The following EFS variants were observed in gnomAD, a reference collection of about 807,000 sequenced individuals.
The protein encoded by EFS is embryonal Fyn-associated substrate.
Under a neutral mutation model 42.2 loss-of-function variants are expected in EFS, and 34 were observed. That is an observed-to-expected ratio of 0.81 (90% CI 0.61 to 1.07). EFS has a LOEUF of 1.07. EFS is among the 50% of genes least tolerant of loss of function. The pLI, the probability that EFS is intolerant of heterozygous loss-of-function variation, is 0.00. For missense variants in EFS, 717 were observed against 729.4 expected, an observed-to-expected ratio of 0.98 and a Z score of 0.20; for synonymous variants, 299 against 320.7, an observed-to-expected ratio of 0.93 and a Z score of 0.72.
At chr14:23,360,872 A>C in intron 1 of EFS, 39 bp from the exon 2 acceptor site, 1 of 1,573,114 alleles carries the variant, frequency 6.4e-7, no homozygotes, top group East Asian at 2.3e-5. Context: ...GGGTCTTCAG[A>C]CCCCTTTCAG....
chr14:23,360,085 C>T (rs1338974435), intron 3 of EFS, 46 bp from the exon 4 acceptor site: 1 of 1,614,134 alleles, frequency 6.2e-7, no homozygotes, highest in Admixed American at 1.7e-5. Context: ...GCGATGAACC[C>T]TCCCTTGGGG....
At position 23,359,475 on chromosome 14, in the gene EFS, G is replaced by C. The variant is rs147068550; in HGVS notation, c.1003C>G (p.Arg335Gly). 1.3e-6 allele frequency: 2 copies of C among 1,591,790 alleles called. No individual in the cohort carries two copies. Among genetic ancestry groups the C allele is most frequent in the East Asian group, 2.3e-5 (1 of 44,352 alleles). ...APGRKGSIQD[R>G]PLPPPPPRLP... Reference sequence around the variant, plus strand: ...CGGGGTGGGGGTGGGGGCAGAGGCCGGTCCTGGATGCTGCCCTTCCGGCCT... The same window carrying C: ...CGGGGTGGGGGTGGGGGCAGAGGCCCGTCCTGGATGCTGCCCTTCCGGCCT... Residue 335 changes from arginine to glycine, a missense_variant, in exon 4 of 6, where the codon CGG (arginine) becomes GGG (glycine). Coordinates refer to ENST00000216733, the MANE Select transcript of EFS (RefSeq NM_005864.4).
Position 23,358,635 on chromosome 14 carries a change from T to C in EFS, c.1251+241A>G, listed in dbSNP as rs151222086. Among the ~76,000 whole-genome samples, 570 of 152,306 alleles carry C rather than the reference T, an allele frequency of 3.7e-3. 1 individual carries two copies. The highest frequency in any genetic ancestry group is 6.5e-3 in the Non-Finnish European group (443 of 68,028). ...AGAAACTTTCTGCTCTCCTGGCTGCTTGATTTTCTGACTCCTCTCCAACAC... is the reference window on the plus strand; with the variant it reads ...AGAAACTTTCTGCTCTCCTGGCTGCCTGATTTTCTGACTCCTCTCCAACAC... On this transcript the variant is annotated intron_variant, in intron 5 of 5. Transcript: ENST00000216733.
At position 23,356,891 on chromosome 14, in the gene EFS, G is replaced by C. The variant is rs1361724304; in HGVS notation, c.*335C>G. 5.0e-6 allele frequency: 1 copy of C among 198,930 alleles called. No homozygotes were observed. The highest frequency in any genetic ancestry group is 1.0e-5 in the Non-Finnish European group (1 of 99,696). The allele number at this position is 198,930 out of a possible 1,614,324, so 12.3% of individuals were successfully genotyped here. ...GGTTTCTGCCACCTGACTTTTCACA[G>C]CCAGTCTTCCAGAGGTGGGTGGTAG... On this transcript the variant is annotated 3_prime_UTR_variant, in exon 6 of 6. Transcript: ENST00000216733.
At position 23,357,552 on chromosome 14, in the gene EFS, C is replaced by T. The variant is rs2231812; in HGVS notation, c.1360G>A (p.Val454Met). The T allele has an allele frequency of 1.6e-3, 2,627 of 1,612,194 alleles. 40 individuals carry two copies. In the African/African-American group the frequency reaches 0.031, roughly 19 times the overall value. The stretch of plus-strand genomic sequence containing the variant: ...TGGGTACTGGACATCAGGGCTGCCA[C>T]GGCTGCCTGCAGGGCTGAGTAGTGG... ...QSHYSALQAA[V>M]AALMSSTQAN... The change falls in exon 6 of 6, where the codon GTG becomes ATG. Residue 454 changes from valine (V) to methionine (M), a missense_variant. Coordinates refer to ENST00000216733, the MANE Select transcript of EFS (RefSeq NM_005864.4).
intron 1 of EFS, among the ~76,000 whole-genome samples, chr14:23,363,625 G>T (rs148490786): frequency 1.8e-3 from 281 of 152,184 alleles, no homozygotes; most frequent in African/African-American, 6.4e-3. Context: ...CCTGGCCATC[G>T]TTACAGATTG....
Position 23,360,134 on chromosome 14 carries a change from C to T in EFS, c.438+7G>A. The T allele has an allele frequency of 6.2e-7, 1 of 1,614,168 alleles. No homozygotes were observed. The highest frequency in any genetic ancestry group is 1.1e-5 in the South Asian group (1 of 91,084). On this transcript the variant is annotated splice_region_variant and intron_variant, in intron 3 of 5. Transcript: ENST00000216733. ...ACCCAACATACACAGGGACCTCTAG[C>T]CCTCACCTCCAAGGCATCTCTGGGA...
In EFS at chr14:23,359,517, C is replaced by G. The variant is rs1275246734; in HGVS notation, c.961G>C (p.Val321Leu). Residue 321 changes from valine to leucine, a missense_variant, in exon 4 of 6, where the codon GTG becomes CTG. Coordinates refer to ENST00000216733, the MANE Select transcript of EFS (RefSeq NM_005864.4). ...TTCCGGCCTGGGGCAGGAGAGGGCA[C>G]TGGGGAGGGGCTGGGGGCCTCAGGG... ...PVPEAPSPSP[V>L]PSPAPGRKGS... 2.0e-6 allele frequency: 3 copies of G among 1,488,024 alleles called. No individual in the cohort carries two copies. Among genetic ancestry groups the G allele is most frequent in the Admixed American group, 2.1e-5 (1 of 47,082 alleles). 92.2% of individuals were successfully genotyped at this position (1,488,024 alleles called of 1,614,324 possible).
intron 1 of EFS, among the ~76,000 whole-genome samples, chr14:23,362,443 T>G (rs1331863562): frequency 1.3e-5 from 2 of 152,232 alleles, no homozygotes; most frequent in Non-Finnish European, 2.9e-5. Context: ...GATGTTTCCC[T>G]CTGGTGGTGA....
intron 4 of EFS, 26 bp from the exon 5 acceptor site, chr14:23,358,991 G>A: frequency 1.3e-6 from 2 of 1,585,082 alleles, no homozygotes; most frequent in Non-Finnish European, 1.7e-6. Flanking sequence ...AGGTCTCAGT[G>A]TCGGGGTGGG....
At position 23,360,211 on chromosome 14, in the gene EFS, G is replaced by C. The variant is rs760920243; in HGVS notation, c.368C>G (p.Ser123Cys). Residue 123 changes from serine (S) to cysteine (C), a missense_variant, in exon 3 of 6, where the codon TCT becomes TGT. Physicochemically the swap from Ser to Cys is moderately radical, Grantham distance 112 (BLOSUM62 -1). Transcript: ENST00000216733. ...SGPPAGPCPP[S>C]PDLIYKIPRA... The stretch of plus-strand genomic sequence containing the variant: ...GGGGATTTTGTAGATGAGGTCAGGA[G>C]AGGGTGGGCAAGGTCCAGCTGGAGG... The C allele has an allele frequency of 2.7e-5, 44 of 1,614,074 alleles. No individual in the cohort carries two copies. Among genetic ancestry groups the C allele is most frequent in the Admixed American group, 5.0e-5 (3 of 59,996 alleles).
rs1177491771 is a variant in EFS at position 23,358,403 on chromosome 14, TG to T, written c.1251+472del. On this transcript the variant is annotated intron_variant, in intron 5 of 5. Coordinates refer to ENST00000216733, the MANE Select transcript of EFS (RefSeq NM_005864.4). Reference sequence around the variant, plus strand: ...TGGCACTTGGTAAATACCTGATAAATGGTAGCTATTGTGTTGCGACCATTCT... The same window carrying T: ...TGGCACTTGGTAAATACCTGATAAATGTAGCTATTGTGTTGCGACCATTCT... 3.3e-5 allele frequency among the ~76,000 whole-genome samples: 5 copies of T among 152,334 alleles called. No homozygotes were observed. The East Asian group carries it at 9.6e-4, about 29-fold the overall frequency.
chr14:23,357,502 G>A lies in EFS; in HGVS notation c.1410C>T (p.Phe470=), dbSNP rs1160270512. Residue 470 remains phenylalanine (F), a synonymous_variant, in exon 6 of 6, where the codon TTC becomes TTT. Transcript: ENST00000216733. The part of the protein sequence containing the change: ...STQANQPPRL[F]VPHSKRVVVA... ...CCACCACCCTCTTGCTGTGGGGCAC[G>A]AAAAGGCGCGGGGGCTGATTAGCCT... The A allele has an allele frequency of 3.1e-6, 5 of 1,614,012 alleles. No individual in the cohort carries two copies. The highest frequency in any genetic ancestry group is 3.4e-6 in the Non-Finnish European group (4 of 1,179,998).
intron 1 of EFS, among the ~76,000 whole-genome samples, chr14:23,363,706 G>C (rs926782094): frequency 6.6e-6 from 1 of 152,194 alleles, no homozygotes; most frequent in Non-Finnish European, 1.5e-5. Context: ...GGGAGGCTGA[G>C]GCGGATGGAT....
chr14:23,364,569 T>A (rs766334447), intron 1 of EFS, among the ~76,000 whole-genome samples: 2 of 152,246 alleles, frequency 1.3e-5, no homozygotes, highest in African/African-American at 4.8e-5. Context: ...CGTCTCGAGA[T>A]GGGCCTCCTG....
In EFS at chr14:23,359,534, G is replaced by A. The variant is rs1595025615; in HGVS notation, c.944C>T (p.Ala315Val). The part of the protein sequence containing the change: ...RPLPALPVPE[A>V]PSPSPVPSPA... ...AGAGGGCACTGGGGAGGGGCTGGGG[G>A]CCTCAGGGACAGGCAGGGCAGGCAG... Residue 315 changes from alanine (A) to valine (V), a missense_variant, in exon 4 of 6, where the codon GCC (alanine) becomes GTC (valine). Ala to Val is a moderately conservative substitution (Grantham distance 64). Coordinates refer to ENST00000216733, the MANE Select transcript of EFS (RefSeq NM_005864.4). 2.0e-6 allele frequency: 3 copies of A among 1,527,034 alleles called. No individual in the cohort carries two copies. Among genetic ancestry groups the A allele is most frequent in the African/African-American group, 2.8e-5 (2 of 71,280 alleles). 94.6% of individuals were successfully genotyped at this position (1,527,034 alleles called of 1,614,324 possible). A position where few individuals can be genotyped will look rare whatever the true frequency, so the allele number is the denominator to read the frequency against.
In EFS at chr14:23,357,102, A is replaced by C; in HGVS notation, c.*124T>G. On this transcript the variant is annotated 3_prime_UTR_variant, in exon 6 of 6. Transcript: ENST00000216733. ...TCTGTGAGAGGTTGAGATGAGCAGA[A>C]AGGGCAGGAAAGGGGAAAGATACCC... 1 of 912,386 alleles carries C rather than the reference A, an allele frequency of 1.1e-6. No homozygotes were observed. The highest frequency in any genetic ancestry group is 1.6e-6 in the Non-Finnish European group (1 of 636,770). 56.5% of individuals were successfully genotyped at this position (912,386 alleles called of 1,614,324 possible).
Position 23,359,686 on chromosome 14 carries a change from A to G in EFS, c.792T>C (p.Pro264=). 6.6e-7 allele frequency: 1 copy of G among 1,511,160 alleles called. No individual in the cohort carries two copies. The highest frequency in any genetic ancestry group is 8.8e-7 in the Non-Finnish European group (1 of 1,131,362). 93.6% of individuals were successfully genotyped at this position (1,511,160 alleles called of 1,614,324 possible). A position where few individuals can be genotyped will look rare whatever the true frequency, so the allele number is the denominator to read the frequency against. ...DVPLLGPEAP[P]SPEPPGALAS... The stretch of plus-strand genomic sequence containing the variant: ...CCAAGGCTCCAGGGGGCTCTGGAGA[A>G]GGGGGAGCCTCTGGCCCCAGCAGAG... The change falls in exon 4 of 6, where the codon CCT becomes CCC. Residue 264 remains proline (P), a synonymous_variant. Transcript: ENST00000216733.
chr14:23,358,780 C>A (rs1211545005), intron 5 of EFS, 96 bp downstream of exon 5: 3 of 1,188,444 alleles, frequency 2.5e-6, no homozygotes, highest in East Asian at 4.9e-5. Context: ...CCATCCTAAC[C>A]TATTTCCTTC....
Sources: allele counts gnomAD v4.1 joint callset (sites outside exome capture counted in the v4.1 genomes callset), GRCh38; gene constraint gnomAD v4.1.1; transcripts MANE v1.5; gene names NCBI Gene and HGNC (gene_info 2026-07-23, HGNC 2026-07-21).